Variants in PCNP observed in about 807,000 individuals in gnomAD.
PCNP encodes PEST proteolytic signal containing nuclear protein.
Under a neutral mutation model 21.8 loss-of-function variants are expected in PCNP, and 6 were observed. The ratio of observed to expected loss-of-function variants is 0.28; its 90% CI spans 0.15 to 0.54. The LOEUF (loss-of-function observed/expected upper bound fraction) is 0.54, where lower values mean the gene tolerates loss of function less well. Among genes scored for constraint, PCNP ranks in the 20% least tolerant of loss-of-function variants. PCNP has a pLI of 0.95. For synonymous variants in PCNP, 67 were observed against 73.2 expected, an observed-to-expected ratio of 0.92 and a Z score of 0.43; for missense variants, 161 against 215.5, an observed-to-expected ratio of 0.75 and a Z score of 1.58.
intron 2 of PCNP, among the ~76,000 whole-genome samples, chr3:101,581,333 C>G (rs1374554987): frequency 6.6e-6 from 1 of 152,006 alleles, no homozygotes; most frequent in Non-Finnish European, 1.5e-5. Flanking sequence ...TGTACTTCTA[C>G]TATAGATGGT....
At chr3:101,583,467 T>C (rs1450525065) in intron 2 of PCNP, among the ~76,000 whole-genome samples, 1 of 151,636 alleles carries the variant, frequency 6.6e-6, no homozygotes, top group Admixed American at 6.6e-5. Flanking sequence ...AAATAACAAA[T>C]GAGCCGGGCA....
chr3:101,574,246 C>T lies in PCNP; in HGVS notation c.31C>T (p.Pro11Ser). 4 of 1,549,462 alleles carry T rather than the reference C, an allele frequency of 2.6e-6. No homozygotes were observed. Among genetic ancestry groups the T allele is most frequent in the South Asian group, 2.4e-5 (2 of 83,870 alleles). MADGKAGDEK[P>S]EKSQRAGAAG... ...GGACGGGAAGGCGGGAGACGAGAAG[C>T]CTGAAAAGTCGCAGCGAGCTGGAGC... Residue 11 changes from proline to serine, a missense_variant, in exon 1 of 5, where the codon CCT becomes TCT. Pro to Ser is a moderately conservative substitution (Grantham distance 74, BLOSUM62 -1). Coordinates refer to ENST00000265260, the MANE Select transcript of PCNP (RefSeq NM_020357.3).
intron 3 of PCNP, among the ~76,000 whole-genome samples, chr3:101,588,466 C>T (rs958284790): frequency 1.3e-5 from 2 of 151,932 alleles, no homozygotes; most frequent in African/African-American, 4.8e-5. Context: ...TAAACTGTCT[C>T]ATAGATTTAA....
At chr3:101,580,042 C>A in intron 2 of PCNP, 38 bp downstream of exon 2, 1 of 1,441,414 alleles carries the variant, frequency 6.9e-7, no homozygotes, top group South Asian at 1.1e-5. Context: ...TGTAATGGGT[C>A]TTAAGGATTT....
intron 1 of PCNP, 80 bp downstream of exon 1, chr3:101,574,359 T>A: frequency 1.2e-5 from 7 of 571,552 alleles, no homozygotes; most frequent in Non-Finnish European, 1.7e-5. Flanking sequence ...GGGAGTGGGG[T>A]GGGGCGAGAA....
chr3:101,588,831 G>C (rs886939093), intron 3 of PCNP, among the ~76,000 whole-genome samples: 16 of 152,228 alleles, frequency 1.1e-4, no homozygotes, highest in African/African-American at 3.9e-4. Context: ...TTATCAGTGT[G>C]TCATATCAGG....
intron 3 of PCNP, among the ~76,000 whole-genome samples, chr3:101,588,437 A>G (rs975661710): frequency 6.6e-6 from 1 of 151,860 alleles, no homozygotes. Flanking sequence ...TTCTCCTATA[A>G]TATAACAGTA....
intron 2 of PCNP, among the ~76,000 whole-genome samples, chr3:101,582,477 C>G (rs1017852521): frequency 2.0e-5 from 3 of 151,988 alleles, no homozygotes; most frequent in Admixed American, 6.6e-5. Flanking sequence ...AGTGTAAACA[C>G]AGTCTTATTG....
intron 2 of PCNP, 97 bp downstream of exon 2, chr3:101,580,101 A>G (rs759225695): frequency 1.2e-4 from 100 of 830,920 alleles, no homozygotes; most frequent in Non-Finnish European, 2.0e-4. Context: ...AAGGGTGAAA[A>G]GGTACATTGT....
intron 1 of PCNP, 138 bp downstream of exon 1, chr3:101,574,417 C>A: frequency 2.8e-6 from 3 of 1,080,910 alleles, no homozygotes; most frequent in Non-Finnish European, 3.8e-6. Flanking sequence ...CCAGACCTGC[C>A]TCGGGCACGC....
intron 1 of PCNP, 57 bp downstream of exon 1, chr3:101,574,336 C>A: frequency 6.8e-7 from 1 of 1,467,840 alleles, no homozygotes; most frequent in Non-Finnish European, 9.2e-7. Context: ...TTTCTTTGAG[C>A]TCCCAGGGTG....
chr3:101,575,535 C>G (rs1934830903), intron 1 of PCNP, among the ~76,000 whole-genome samples: 1 of 148,458 alleles, frequency 6.7e-6, no homozygotes, highest in Non-Finnish European at 1.5e-5. Context: ...TAAATTTAAA[C>G]CATCTACTAC....
At chr3:101,592,511 A>G in intron 4 of PCNP, 116 bp from the exon 5 acceptor site, 1 of 740,562 alleles carries the variant, frequency 1.4e-6, no homozygotes, top group Non-Finnish European at 2.2e-6. Flanking sequence ...AGGGCCTTCC[A>G]GTGTTCAGTC....
intron 3 of PCNP, among the ~76,000 whole-genome samples, chr3:101,588,052 C>T (rs549990313): frequency 3.3e-5 from 5 of 152,214 alleles, no homozygotes; most frequent in South Asian, 2.1e-4. Context: ...GCGGGTGGAT[C>T]ACGAGGTCAG....
intron 2 of PCNP, among the ~76,000 whole-genome samples, chr3:101,582,572 A>C (rs779820308): frequency 6.6e-6 from 1 of 152,246 alleles, no homozygotes. Flanking sequence ...ACAAATGCTT[A>C]TTTGTGTCCA....
intron 3 of PCNP, among the ~76,000 whole-genome samples, chr3:101,588,155 C>G (rs11708845): frequency 1.3e-5 from 2 of 151,932 alleles, no homozygotes; most frequent in Non-Finnish European, 2.9e-5. Context: ...CCTGTAATCC[C>G]GGCTACTCGG....
intron 2 of PCNP, among the ~76,000 whole-genome samples, chr3:101,582,827 A>G (rs1935295483): frequency 6.6e-6 from 1 of 152,254 alleles, no homozygotes; most frequent in Non-Finnish European, 1.5e-5. Flanking sequence ...GGCAGTTAAG[A>G]TGTGAAGCCA....
chr3:101,593,810 C>T lies in PCNP; in HGVS notation c.*1057C>T, dbSNP rs1935930985. 1 of 152,548 alleles carries T rather than the reference C, an allele frequency of 6.6e-6. No homozygotes were observed. The highest frequency in any genetic ancestry group is 6.6e-5 in the Admixed American group (1 of 15,260). The allele number at this position is 152,548 out of a possible 1,614,324, so 9.4% of individuals were successfully genotyped here. A position where few individuals can be genotyped will look rare whatever the true frequency, so the allele number is the denominator to read the frequency against. The stretch of plus-strand genomic sequence containing the variant: ...ATGCGTACATATTGACCAATGGCCT[C>T]TGAAAAAGCACATTTTAGATACTGA... On this transcript the variant is annotated 3_prime_UTR_variant, in exon 5 of 5. Coordinates refer to ENST00000265260, the MANE Select transcript of PCNP (RefSeq NM_020357.3).
chr3:101,579,609 C>G (rs1935119178), intron 1 of PCNP, 181 bp from the exon 2 acceptor site: 4 of 713,588 alleles, frequency 5.6e-6, no homozygotes, highest in Non-Finnish European at 1.0e-5. Flanking sequence ...GGAGCCTCTT[C>G]TACTGCCACA....
Sources: allele counts gnomAD v4.1 joint callset (sites outside exome capture counted in the v4.1 genomes callset), GRCh38; gene constraint gnomAD v4.1.1; transcripts MANE v1.5; gene names NCBI Gene and HGNC (gene_info 2026-07-23, HGNC 2026-07-21).